Variants in LIPG observed in about 807,000 individuals in gnomAD.
LIPG encodes the protein endothelial lipase.
LIPG carries 34 observed loss-of-function variants against 51.8 expected under a neutral mutation model. The ratio of observed to expected loss-of-function variants is 0.66; its 90% CI spans 0.50 to 0.87. LIPG has a LOEUF of 0.87. Among genes scored for constraint, LIPG ranks in the 40% least tolerant of loss-of-function variants. LIPG has a pLI of 0.00. For missense variants in LIPG, 580 were observed against 652.7 expected (o/e 0.89, Z 1.21); for synonymous variants, 246 against 246.1 (o/e 1.00, Z 0.00).
At chr18:49,569,386 G>A (rs1404823208) in intron 3 of LIPG, 51 bp from the exon 4 acceptor site, 1 of 1,470,176 alleles carries the variant, frequency 6.8e-7, no homozygotes, top group South Asian at 1.1e-5. Context: ...GGTGATTCTG[G>A]GGGCTCTGGA....
At position 49,597,279 on chromosome 18, in the gene LIPG, T is replaced by TG. The variant is rs2084987553; in HGVS notation, c.*6757_*6758insG. 6.6e-6 allele frequency: 1 copy of TG among 152,198 alleles called. No homozygotes were observed. The highest frequency in any genetic ancestry group is 1.5e-5 in the Non-Finnish European group (1 of 68,060). 9.4% of individuals were successfully genotyped at this position (152,198 alleles called of 1,614,324 possible). On this transcript the variant is annotated 3_prime_UTR_variant, in exon 10 of 10. Coordinates refer to ENST00000261292, the MANE Select transcript of LIPG (RefSeq NM_006033.4). ...TGATTTTCACAGTTGATTTCATTTCTTCCCTCCTGAACTTACAGAGCCTTT... is the reference window on the plus strand; with the variant it reads ...TGATTTTCACAGTTGATTTCATTTCTGTCCCTCCTGAACTTACAGAGCCTTT...
intron 5 of LIPG, among the ~76,000 whole-genome samples, chr18:49,576,333 C>T (rs1028813028): frequency 2.0e-5 from 3 of 151,676 alleles, no homozygotes; most frequent in Admixed American, 2.0e-4. Context: ...GCATATTTTT[C>T]CCCCAAATCA....
chr18:49,571,337 G>T (rs1310317260), intron 4 of LIPG, among the ~76,000 whole-genome samples: 1 of 152,330 alleles, frequency 6.6e-6, no homozygotes, highest in African/African-American at 2.4e-5. Context: ...TGCACATCTT[G>T]CCTTTCTCTA....
chr18:49,594,514 G>A lies in LIPG; in HGVS notation c.*3992G>A, dbSNP rs922547880. ...CTACCAATTACTATTTATTAAAAGG[G>A]AAATTGGATCTTGCCATCCGTTTAT... On this transcript the variant is annotated 3_prime_UTR_variant, in exon 10 of 10. Transcript: ENST00000261292. 1.8e-4 allele frequency: 27 copies of A among 152,114 alleles called. No individual in the cohort carries two copies. Among genetic ancestry groups the A allele is most frequent in the African/African-American group, 6.0e-4 (25 of 41,418 alleles). 9.4% of individuals were successfully genotyped at this position (152,114 alleles called of 1,614,324 possible).
At chr18:49,569,367 T>G in intron 3 of LIPG, 70 bp from the exon 4 acceptor site, 16 of 1,299,048 alleles carry the variant, frequency 1.2e-5, no homozygotes, top group Non-Finnish European at 1.8e-5. Flanking sequence ...ACTGAGTTGT[T>G]GAACTGCTGG....
chr18:49,565,628 T>A, intron 2 of LIPG, 130 bp downstream of exon 2: 1 of 1,021,988 alleles, frequency 9.8e-7, no homozygotes, highest in Non-Finnish European at 1.5e-6. Flanking sequence ...GCTGCTTGTA[T>A]TTCAGACAGC....
Position 49,590,542 on chromosome 18 carries a change from G to A in LIPG, c.*20G>A, listed in dbSNP as rs776888911. 6.3e-7 allele frequency: 1 copy of A among 1,592,764 alleles called. No homozygotes were observed. Among genetic ancestry groups the A allele is most frequent in the Non-Finnish European group, 8.6e-7 (1 of 1,167,622 alleles). ...CCCTGAGGGTGCCCGGGCAAGTCTT[G>A]CCAGCAAGGCAGCAAGACTTCCTGC... On this transcript the variant is annotated 3_prime_UTR_variant, in exon 10 of 10. Coordinates refer to ENST00000261292, the MANE Select transcript of LIPG (RefSeq NM_006033.4).
rs34734805 is a variant in LIPG at position 49,587,568 on chromosome 18, C to CAAAAAAAAAAAAAAAAAA, written c.1481+727_1481+744dup. On this transcript the variant is annotated intron_variant, in intron 9 of 9. Transcript: ENST00000261292. ...TGGGTGACAGAGTGAGACTCCGTCT[C>CAAAAAAAAAAAAAAAAAA]AAAAAAAAAAAAAAAAAAAAAAAAA... Among the ~76,000 whole-genome samples the CAAAAAAAAAAAAAAAAAA allele has an allele frequency of 7.1e-5, 3 of 42,308 alleles. 1 individual carries two copies. The highest frequency in any genetic ancestry group is 2.4e-4 in the African/African-American group (3 of 12,624). 27.8% of individuals were successfully genotyped at this position (42,308 alleles called of 152,430 possible).
intron 8 of LIPG, among the ~76,000 whole-genome samples, 168 bp from the exon 9 acceptor site, chr18:49,586,578 C>T (rs1274950415): frequency 1.3e-5 from 2 of 152,180 alleles, no homozygotes; most frequent in African/African-American, 4.8e-5. Context: ...AAGTGAGACA[C>T]AGGTTAGAGT....
chr18:49,587,124 G>A (rs984988098), intron 9 of LIPG, among the ~76,000 whole-genome samples: 1 of 123,454 alleles, frequency 8.1e-6, no homozygotes. Context: ...AAAAAAAAAA[G>A]AATGCCGGGC....
chr18:49,583,211 A>G (rs1275473108), intron 7 of LIPG, among the ~76,000 whole-genome samples: 1 of 152,178 alleles, frequency 6.6e-6, no homozygotes, highest in Non-Finnish European at 1.5e-5. Flanking sequence ...GCTGAGCGGA[A>G]CAGCGCACTT....
chr18:49,580,421 G>T (rs2084807045), intron 5 of LIPG, among the ~76,000 whole-genome samples: 1 of 152,218 alleles, frequency 6.6e-6, no homozygotes, highest in South Asian at 2.1e-4. Flanking sequence ...GATGTAGCAT[G>T]AAAGTAGCCA....
rs1052407532 is a variant in LIPG at position 49,590,360 on chromosome 18, T to C, written c.1482-141T>C. ...CACTCGGGACCTTGTCCATTTATTC[T>C]GAAAGGAATACATGTAAAATAGTCC... On this transcript the variant is annotated intron_variant, in intron 9 of 9. Transcript: ENST00000261292. The C allele has an allele frequency of 7.8e-6, 7 of 895,958 alleles. No homozygotes were observed. In the African/African-American group the frequency reaches 9.9e-5, roughly 13 times the overall value. The allele number at this position is 895,958 out of a possible 1,614,324, so 55.5% of individuals were successfully genotyped here.
intron 5 of LIPG, among the ~76,000 whole-genome samples, chr18:49,578,604 C>T (rs1351520208): frequency 1.2e-4 from 18 of 151,824 alleles, no homozygotes; most frequent in African/African-American, 4.4e-4. Flanking sequence ...AGACACTCCT[C>T]ACTTCCCAGA....
intron 5 of LIPG, among the ~76,000 whole-genome samples, chr18:49,578,149 G>A (rs2084749588): frequency 1.4e-5 from 2 of 147,538 alleles, no homozygotes; most frequent in African/African-American, 5.1e-5. Flanking sequence ...TCCCGGACGG[G>A]GTGGCTGCTG....
chr18:49,572,746 A>T (rs1417673439), intron 4 of LIPG, among the ~76,000 whole-genome samples: 3 of 151,942 alleles, frequency 2.0e-5, no homozygotes, highest in African/African-American at 7.3e-5. Flanking sequence ...AAAAAAAAAA[A>T]AAAAAAGTAG....
Position 49,589,100 on chromosome 18 carries a change from C to T in LIPG, c.1482-1401C>T, listed in dbSNP as rs1600571395. Among the ~76,000 whole-genome samples the T allele has an allele frequency of 2.6e-5, 4 of 152,280 alleles. No homozygotes were observed. In the South Asian group the frequency reaches 8.3e-4, roughly 32 times the overall value. On this transcript the variant is annotated intron_variant, in intron 9 of 9. Transcript: ENST00000261292. ...GCCTGTGTTGTTGAGCACCGAGGCT[C>T]CAAGTGCTCAGATGAATCACCTCGC...
chr18:49,566,676 G>A (rs914373255), intron 2 of LIPG, among the ~76,000 whole-genome samples: 1 of 152,176 alleles, frequency 6.6e-6, no homozygotes, highest in Non-Finnish European at 1.5e-5. Context: ...GATGGGTTGT[G>A]GGAAGGGGTC....
Position 49,595,515 on chromosome 18 carries a change from TAAG to T in LIPG, c.*4995_*4997del, listed in dbSNP as rs1438645998. 3 of 152,112 alleles carry T rather than the reference TAAG, an allele frequency of 2.0e-5. No individual in the cohort carries two copies. The highest frequency in any genetic ancestry group is 4.4e-5 in the Non-Finnish European group (3 of 68,008). The allele number at this position is 152,112 out of a possible 1,614,324, so 9.4% of individuals were successfully genotyped here. ...TGTGTTTTGTAAACATTTGAATTGATAAGAGGACAGTGTGAGACAAAAATAAAA... is the reference window on the plus strand; with the variant it reads ...TGTGTTTTGTAAACATTTGAATTGATAGGACAGTGTGAGACAAAAATAAAA... On this transcript the variant is annotated 3_prime_UTR_variant, in exon 10 of 10. Coordinates refer to ENST00000261292, the MANE Select transcript of LIPG (RefSeq NM_006033.4).
Sources: allele counts gnomAD v4.1 joint callset (sites outside exome capture counted in the v4.1 genomes callset), GRCh38; gene constraint gnomAD v4.1.1; transcripts MANE v1.5; gene names NCBI Gene and HGNC (gene_info 2026-07-23, HGNC 2026-07-21).